Variants in FARS2 observed in about 807,000 individuals in gnomAD.
The protein encoded by FARS2 is phenylalanyl-tRNA synthetase 2, mitochondrial, also known as phenylalanine--tRNA ligase, mitochondrial.
In FARS2, 40 loss-of-function variants were observed where a neutral mutation model predicts 46.4. The ratio of observed to expected loss-of-function variants is 0.86; its 90% CI spans 0.67 to 1.12. FARS2 has a LOEUF of 1.12. FARS2 is among the 50% of genes most tolerant of loss of function. FARS2 has a pLI of 0.00. For synonymous variants in FARS2, 234 were observed against 214.9 expected (o/e 1.09, Z -0.78); for missense variants, 513 against 567.9 (o/e 0.90, Z 0.98).
At chr6:5,301,986 C>T (rs1768349626) in intron 1 of FARS2, among the ~76,000 whole-genome samples, 1 of 152,188 alleles carries the variant, frequency 6.6e-6, no homozygotes, top group South Asian at 2.1e-4. Context: ...TAAGAACTTA[C>T]AAGGAGCTCC....
intron 4 of FARS2, among the ~76,000 whole-genome samples, chr6:5,506,777 T>C (rs1304934226): frequency 2.0e-5 from 3 of 152,226 alleles, no homozygotes; most frequent in Middle Eastern, 3.2e-3. Flanking sequence ...GAGGCATTCA[T>C]GAAAACAGCT....
chr6:5,393,589 G>A (rs758195925), intron 2 of FARS2, among the ~76,000 whole-genome samples: 14 of 152,216 alleles, frequency 9.2e-5, no homozygotes, highest in East Asian at 7.7e-4. Context: ...ACCCGGAGGC[G>A]GAGGTTGCAG....
intron 5 of FARS2, among the ~76,000 whole-genome samples, chr6:5,610,611 G>A (rs1242648090): frequency 1.3e-5 from 2 of 152,108 alleles, no homozygotes; most frequent in African/African-American, 4.8e-5. Flanking sequence ...GGTAGCTGTG[G>A]GGGCCCTGGA....
At chr6:5,253,579 G>A in the FARS2 span, among the ~76,000 whole-genome samples, 2 of 152,148 alleles carry the variant, frequency 1.3e-5, no homozygotes, top group Admixed American at 6.6e-5. Context: ...TTTGGCCTAG[G>A]AACTGCTAAC....
intron 1 of FARS2, among the ~76,000 whole-genome samples, chr6:5,354,701 G>C (rs1018330364): frequency 1.3e-5 from 2 of 152,098 alleles, no homozygotes; most frequent in Admixed American, 1.3e-4. Context: ...TTTTAGTAGA[G>C]ATGGGGTTTC....
intron 4 of FARS2, among the ~76,000 whole-genome samples, chr6:5,511,191 C>G (rs1448279723): frequency 6.6e-6 from 1 of 152,044 alleles, no homozygotes; most frequent in Non-Finnish European, 1.5e-5. Context: ...TGATAGATGC[C>G]AAGATGAAGA....
intron 3 of FARS2, among the ~76,000 whole-genome samples, chr6:5,424,306 A>G (rs895477963): frequency 6.6e-6 from 1 of 152,216 alleles, no homozygotes. Context: ...ATTTATTAAA[A>G]TCATAAAAGC....
At chr6:5,310,959 G>T (rs1769045329) in intron 1 of FARS2, among the ~76,000 whole-genome samples, 1 of 152,146 alleles carries the variant, frequency 6.6e-6, no homozygotes, top group Non-Finnish European at 1.5e-5. Flanking sequence ...AAATTCCTGT[G>T]CCCCTTTCTC....
intron 1 of FARS2, among the ~76,000 whole-genome samples, chr6:5,355,369 T>A (rs1757844319): frequency 6.7e-6 from 1 of 148,530 alleles, no homozygotes; most frequent in Non-Finnish European, 1.5e-5. Flanking sequence ...TAGGTTTTCC[T>A]TTTTGTTTTT....
intron 1 of FARS2, among the ~76,000 whole-genome samples, chr6:5,344,740 C>A (rs570677545): frequency 1.3e-5 from 2 of 151,776 alleles, no homozygotes; most frequent in South Asian, 4.2e-4. Flanking sequence ...TTGCCAGTCC[C>A]GCTTCTTCAC....
chr6:5,606,312 A>G (rs1397343709), intron 5 of FARS2, among the ~76,000 whole-genome samples: 1 of 152,104 alleles, frequency 6.6e-6, no homozygotes, highest in Non-Finnish European at 1.5e-5. Context: ...ATTACCTGTG[A>G]AGAAGTAGCA....
intron 4 of FARS2, among the ~76,000 whole-genome samples, chr6:5,529,491 A>G (rs1471002669): frequency 6.6e-6 from 1 of 152,122 alleles, no homozygotes; most frequent in Admixed American, 6.5e-5. Flanking sequence ...TATTTTTAGT[A>G]GAGACGGGGT....
rs567865438 is a variant in FARS2 at position 5,421,619 on chromosome 6, A to G, written c.773-9422A>G. On this transcript the variant is annotated intron_variant, in intron 3 of 6. Coordinates refer to ENST00000274680, the MANE Select transcript of FARS2 (RefSeq NM_006567.5). ...ACCTCTTGAATGCTTTGCTGCTTAG[A>G]TATTTCTTCTGCCAGATACTCTAAA... 4.0e-4 allele frequency among the ~76,000 whole-genome samples: 61 copies of G among 152,306 alleles called. 1 individual carries two copies. Among genetic ancestry groups the G allele is most frequent in the Middle Eastern group, 3.4e-3 (1 of 294 alleles).
At chr6:5,517,402 C>T (rs1768871664) in intron 4 of FARS2, among the ~76,000 whole-genome samples, 1 of 152,084 alleles carries the variant, frequency 6.6e-6, no homozygotes, top group Admixed American at 6.5e-5. Context: ...CACTTGAGTT[C>T]AGGAGTTTGA....
chr6:5,512,413 A>G (rs1024117913), intron 4 of FARS2, among the ~76,000 whole-genome samples: 5 of 152,126 alleles, frequency 3.3e-5, no homozygotes, highest in Non-Finnish European at 7.4e-5. Flanking sequence ...GGGGTCACTA[A>G]TAATTTATTC....
intron 1 of FARS2, among the ~76,000 whole-genome samples, chr6:5,325,427 C>T (rs1035037029): frequency 2.6e-5 from 4 of 152,252 alleles, no homozygotes; most frequent in African/African-American, 9.6e-5. Context: ...TGGCATGGTT[C>T]CCAGTGCTTT....
At position 5,495,917 on chromosome 6, in the gene FARS2, A is replaced by G. The variant is rs554324425; in HGVS notation, c.905-49263A>G. Among the ~76,000 whole-genome samples the G allele has an allele frequency of 2.6e-5, 4 of 152,330 alleles. No individual in the cohort carries two copies. The East Asian group carries it at 7.7e-4, about 29-fold the overall frequency. ...GGGCTGATGGACCATGATCCTATAA[A>G]ATATTCAGTATCACGATGCCCTGCC... On this transcript the variant is annotated intron_variant, in intron 4 of 6. Coordinates refer to ENST00000274680, the MANE Select transcript of FARS2 (RefSeq NM_006567.5).
chr6:5,537,168 A>G (rs1008543978), intron 4 of FARS2, among the ~76,000 whole-genome samples: 1 of 152,234 alleles, frequency 6.6e-6, no homozygotes, highest in South Asian at 2.1e-4. Flanking sequence ...ACACCTGGCC[A>G]TTCTCAGCTC....
At chr6:5,432,348 A>ATG in intron 4 of FARS2, among the ~76,000 whole-genome samples, 1 of 33,052 alleles carries the variant, frequency 3.0e-5, no homozygotes, top group East Asian at 2.4e-3. Flanking sequence ...ATATATATAT[A>ATG]TATTATATAT....
Sources: allele counts gnomAD v4.1 joint callset (sites outside exome capture counted in the v4.1 genomes callset), GRCh38; gene constraint gnomAD v4.1.1; transcripts MANE v1.5; gene names NCBI Gene and HGNC (gene_info 2026-07-23, HGNC 2026-07-21).